Variants in OR4K1 observed in about 807,000 individuals in gnomAD.
The protein encoded by OR4K1 is olfactory receptor 4K1.
Under a neutral mutation model 14.4 loss-of-function variants are expected in OR4K1, and 16 were observed. The observed-to-expected ratio is 1.11, with a 90% confidence interval of 0.75 to 1.68. The LOEUF (loss-of-function observed/expected upper bound fraction) is 1.68. Ranked by LOEUF, OR4K1 falls within the 40% of genes most tolerant of loss-of-function variation. The probability of loss-of-function intolerance (pLI) is 0.00; values close to 1 mark genes in which losing one functional copy is unlikely to be tolerated. For synonymous variants in OR4K1, 181 were observed against 133.1 expected, an observed-to-expected ratio of 1.36 and a Z score of -2.48; for missense variants, 548 against 376.9, an observed-to-expected ratio of 1.45 and a Z score of -3.76.
At chr14:19,924,423 A>AAAAAAAT in the OR4K1 span, among the ~76,000 whole-genome samples, 2 of 151,290 alleles carry the variant, frequency 1.3e-5, no homozygotes, top group African/African-American at 4.9e-5. Flanking sequence ...AAAAAAAAAA[A>AAAAAAAT]AAAAGATAGC....
upstream of OR4K1, among the ~76,000 whole-genome samples, chr14:19,927,469 G>A (rs1882084699): frequency 6.6e-6 from 1 of 152,252 alleles, no homozygotes; most frequent in South Asian, 2.1e-4. Context: ...GAAAATTGGA[G>A]GAAAGTAGTC....
chr14:19,930,542 G>A (rs1446912847), upstream of OR4K1, among the ~76,000 whole-genome samples: 3 of 152,224 alleles, frequency 2.0e-5, no homozygotes, highest in African/African-American at 7.2e-5. Context: ...GTCTTATGAA[G>A]CAGTGGGCTC....
chr14:19,936,648 C>G lies in OR4K1; in HGVS notation c.*46C>G. 6.6e-7 allele frequency: 1 copy of G among 1,504,288 alleles called. No individual in the cohort carries two copies. Among genetic ancestry groups the G allele is most frequent in the East Asian group, 2.3e-5 (1 of 44,244 alleles). 93.2% of individuals were successfully genotyped at this position (1,504,288 alleles called of 1,614,324 possible). On this transcript the variant is annotated 3_prime_UTR_variant, in exon 2 of 2. Coordinates refer to ENST00000641172, the MANE Select transcript of OR4K1 (RefSeq NM_001004063.3). ...AATCCTGAATTAGAATGAAGACCCTCCAGTGTATCATAGTGTCATGCCAAC... is the reference window on the plus strand; with the variant it reads ...AATCCTGAATTAGAATGAAGACCCTGCAGTGTATCATAGTGTCATGCCAAC...
the OR4K1 span, among the ~76,000 whole-genome samples, chr14:19,925,114 A>T: frequency 1.1e-4 from 16 of 152,188 alleles, no homozygotes; most frequent in African/African-American, 3.6e-4. Flanking sequence ...CACTGCTGAC[A>T]AATTGACAGA....
At chr14:19,927,268 G>A (rs925688963), upstream of OR4K1, among the ~76,000 whole-genome samples, 1 of 152,234 alleles carries the variant, frequency 6.6e-6, no homozygotes, top group Non-Finnish European at 1.5e-5. Context: ...GACTGCTGCT[G>A]CATTACTACT....
At chr14:19,920,632 T>C in the OR4K1 span, 1 of 1,610,706 alleles carries the variant, frequency 6.2e-7, no homozygotes, top group Non-Finnish European at 8.5e-7. Flanking sequence ...TCTTCAGTGG[T>C]GTCTGAATTT....
At chr14:19,932,336 C>T (rs201448713) in intron 1 of OR4K1, among the ~76,000 whole-genome samples, 3 of 124,780 alleles carry the variant, frequency 2.4e-5, no homozygotes, top group Non-Finnish European at 3.1e-5. Flanking sequence ...TTTTTTCTTC[C>T]TCCTCCTCCT....
chr14:19,932,304 TTCCTTC>T (rs1369232707), intron 1 of OR4K1, among the ~76,000 whole-genome samples: 2 of 152,062 alleles, frequency 1.3e-5, no homozygotes, highest in East Asian at 1.9e-4. Flanking sequence ...CTCTTTCTTC[TTCCTTC>T]TCCTTCTCCT....
intron 1 of OR4K1, among the ~76,000 whole-genome samples, chr14:19,934,202 G>T (rs760097734): frequency 2.2e-4 from 34 of 152,184 alleles, no homozygotes; most frequent in Non-Finnish European, 4.0e-4. Flanking sequence ...CAGAGCTAAG[G>T]TCAAAAATGT....
At chr14:19,932,917 A>G (rs1882216766) in intron 1 of OR4K1, among the ~76,000 whole-genome samples, 1 of 151,786 alleles carries the variant, frequency 6.6e-6, no homozygotes, top group Non-Finnish European at 1.5e-5. Context: ...TACATCTATT[A>G]TAGCAAATAT....
At chr14:19,925,905 T>G in the OR4K1 span, among the ~76,000 whole-genome samples, 3 of 152,222 alleles carry the variant, frequency 2.0e-5, no homozygotes, top group African/African-American at 4.8e-5. Flanking sequence ...TTTCCAGGAA[T>G]GCAGAGTAAC....
chr14:19,929,103 T>C (rs2138587496), upstream of OR4K1, among the ~76,000 whole-genome samples: 1 of 151,932 alleles, frequency 6.6e-6, no homozygotes, highest in African/African-American at 2.4e-5. Flanking sequence ...TTTTTTCTAA[T>C]TTTTAAAACT....
At chr14:19,921,352 T>A in the OR4K1 span, 1 of 1,614,198 alleles carries the variant, frequency 6.2e-7, no homozygotes, top group Non-Finnish European at 8.5e-7. Flanking sequence ...GTAGTAATAT[T>A]ATTCTTTGGA....
intron 1 of OR4K1, among the ~76,000 whole-genome samples, chr14:19,932,137 G>C (rs1319667887): frequency 6.6e-6 from 1 of 152,142 alleles, no homozygotes; most frequent in Non-Finnish European, 1.5e-5. Flanking sequence ...GAAAAATTAA[G>C]ACTAAAAACC....
chr14:19,926,353 T>A (rs546286801), upstream of OR4K1, among the ~76,000 whole-genome samples: 1 of 152,260 alleles, frequency 6.6e-6, no homozygotes, highest in Non-Finnish European at 1.5e-5. Context: ...AATATTGTCC[T>A]GAGGGAACTT....
chr14:19,926,911 A>T (rs1203039610), upstream of OR4K1, among the ~76,000 whole-genome samples: 1 of 152,274 alleles, frequency 6.6e-6, no homozygotes, highest in Non-Finnish European at 1.5e-5. Context: ...ATTTAAAAAT[A>T]GATCTTAGTA....
chr14:19,935,566 A>ATTGAC, intron 1 of OR4K1, 82 bp from the exon 2 acceptor site: 1 of 1,057,416 alleles, frequency 9.5e-7, no homozygotes, highest in African/African-American at 1.6e-5. Flanking sequence ...TTTGTTTAGA[A>ATTGAC]TTGACTATAT....
At chr14:19,930,877 T>C (rs954145504), upstream of OR4K1, 1 of 152,284 alleles carries the variant, frequency 6.6e-6, no homozygotes, top group Admixed American at 6.5e-5. Context: ...GGCTTTATAT[T>C]GTATTGCCTT....
intron 1 of OR4K1, chr14:19,931,439 C>T (rs1486592207): frequency 2.0e-5 from 3 of 152,318 alleles, no homozygotes; most frequent in Non-Finnish European, 4.4e-5. Context: ...CCCATTTATG[C>T]TTTCTGTTCA....
Sources: allele counts gnomAD v4.1 joint callset (sites outside exome capture counted in the v4.1 genomes callset), GRCh38; gene constraint gnomAD v4.1.1; transcripts MANE v1.5; gene names NCBI Gene and HGNC (gene_info 2026-07-23, HGNC 2026-07-21).